Variants in JAK1 observed in about 807,000 individuals in gnomAD.
The protein encoded by JAK1 is tyrosine-protein kinase JAK1.
JAK1 carries 16 observed loss-of-function variants against 136.6 expected under a neutral mutation model. The ratio of observed to expected loss-of-function variants is 0.12; its 90% CI spans 0.08 to 0.18. The LOEUF is 0.18. Among genes scored for constraint, JAK1 ranks in the 10% least tolerant of loss-of-function variants. JAK1 has a pLI of 1.00. For synonymous variants in JAK1, 492 were observed against 519.5 expected (o/e 0.95, Z 0.72); for missense variants, 859 against 1,450.1 (o/e 0.59, Z 6.62).
Position 64,844,585 on chromosome 1 carries a change from GAAGGCAGGAGATC to G in JAK1, c.2251+156_2251+168del, listed in dbSNP as rs67417035. ...CGGGGGCTCGTTCAAGGACTTAAGA[GAAGGCAGGAGATC>G]AAGACCATCCTGGCCAACATGGTGA... is the stretch of plus-strand genomic sequence containing the variant. On this transcript the variant is annotated intron_variant, in intron 16 of 24. Transcript: ENST00000342505. This position sits in a 1 kb window ranked among gnomAD's most constrained non-coding sequence, Gnocchi z 5.7. 0.15 allele frequency among the ~76,000 whole-genome samples: 22,405 copies of G among 152,078 alleles called. 2,307 individuals are homozygous for G. Among genetic ancestry groups the G allele is most frequent in the African/African-American group, 0.28 (11,756 of 41,440 alleles).
chr1:64,944,728 T>C (rs772848234), intron 1 of JAK1, among the ~76,000 whole-genome samples: 1 of 152,150 alleles, frequency 6.6e-6, no homozygotes, highest in Non-Finnish European at 1.5e-5. Flanking sequence ...ATGCAGTATA[T>C]AACCACCATT....
intron 2 of JAK1, among the ~76,000 whole-genome samples, chr1:65,000,337 T>C (rs1158580965): frequency 1.3e-5 from 2 of 151,986 alleles, no homozygotes; most frequent in Admixed American, 1.3e-4. Context: ...TAATTGAGAA[T>C]GTGTTCAGGT....
intron 2 of JAK1, among the ~76,000 whole-genome samples, chr1:65,015,847 T>C (rs1413665470): frequency 6.6e-6 from 1 of 152,106 alleles, no homozygotes. Context: ...CTAAGTATTA[T>C]ATATATATCC....
intron 2 of JAK1, among the ~76,000 whole-genome samples, chr1:65,040,815 T>C (rs752425909): frequency 2.6e-5 from 4 of 152,094 alleles, no homozygotes; most frequent in Non-Finnish European, 5.9e-5. Context: ...AAAAACATAG[T>C]CCTGCTTTGA....
In JAK1 at chr1:64,915,840, G is replaced by A. The variant is rs966705999; in HGVS notation, c.-77-29499C>T. Among the ~76,000 whole-genome samples the A allele has an allele frequency of 2.6e-5, 4 of 152,156 alleles. No individual in the cohort carries two copies. In the South Asian group the frequency reaches 6.2e-4, roughly 24 times the overall value. Reference sequence around the variant, plus strand: ...TGTCAGGTGAAGCATGGGAACCTCTGGGCACGCAGAAAGACGGCATCTGCA... The same window carrying A: ...TGTCAGGTGAAGCATGGGAACCTCTAGGCACGCAGAAAGACGGCATCTGCA... On this transcript the variant is annotated intron_variant, in intron 1 of 24. Coordinates refer to ENST00000342505, the MANE Select transcript of JAK1 (RefSeq NM_002227.4).
intron 1 of JAK1, among the ~76,000 whole-genome samples, chr1:65,063,189 G>C (rs907555297): frequency 6.6e-6 from 1 of 152,214 alleles, no homozygotes; most frequent in Non-Finnish European, 1.5e-5. Context: ...AAAATAAATG[G>C]AAGTGAGTGA....
chr1:64,838,984 A>C (rs1654685474), intron 20 of JAK1, among the ~76,000 whole-genome samples: 1 of 143,050 alleles, frequency 7.0e-6, no homozygotes, highest in Non-Finnish European at 1.5e-5. Flanking sequence ...TCTCTACTAA[A>C]AATACAAAAA....
chr1:64,896,568 C>T (rs1162090657), intron 1 of JAK1, among the ~76,000 whole-genome samples: 3 of 152,178 alleles, frequency 2.0e-5, no homozygotes, highest in Non-Finnish European at 4.4e-5. Context: ...TGTTCCAGGA[C>T]ATCATTAATT....
chr1:64,929,839 G>A (rs951575967), intron 1 of JAK1, among the ~76,000 whole-genome samples: 2 of 152,122 alleles, frequency 1.3e-5, no homozygotes, highest in Non-Finnish European at 2.9e-5. Flanking sequence ...CAGACATATA[G>A]ACAAGTGGAA....
At chr1:64,873,705 G>A (rs1403072921) in intron 4 of JAK1, among the ~76,000 whole-genome samples, 182 bp from the exon 5 acceptor site, 4 of 152,130 alleles carry the variant, frequency 2.6e-5, no homozygotes, top group Non-Finnish European at 5.9e-5. Flanking sequence ...CGTGAGAAGT[G>A]TCCCATCAGC....
rs183491495 is a variant in JAK1 at position 65,019,799 on chromosome 1, C to T, written c.-78+24681G>A. On this transcript the variant is annotated intron_variant, in intron 2 of 25. Transcript: ENST00000671954. ...GGTGTGGTGGCAGGCACCTGTAATC[C>T]CATCTACTTGAGAGGCTAAAGCAGG... 1.2e-4 allele frequency among the ~76,000 whole-genome samples: 18 copies of T among 151,936 alleles called. 1 individual carries two copies. Among genetic ancestry groups the T allele is most frequent in the African/African-American group, 3.9e-4 (16 of 41,440 alleles).
chr1:64,979,928 A>G (rs1056079024), intron 2 of JAK1: 10 of 152,148 alleles, frequency 6.6e-5, no homozygotes, highest in Non-Finnish European at 1.5e-5. Context: ...CCTTCCCAGA[A>G]TTGTTAAGAT....
At position 64,846,206 on chromosome 1, in the gene JAK1, G is replaced by A. The variant is rs569062391; in HGVS notation, c.1987+443C>T. Among the ~76,000 whole-genome samples the A allele has an allele frequency of 5.3e-5, 8 of 152,262 alleles. No individual in the cohort carries two copies. In the South Asian group the frequency reaches 1.7e-3, roughly 32 times the overall value. On this transcript the variant is annotated intron_variant, in intron 14 of 24. Transcript: ENST00000342505. ...CTCAGTGTGCAGCAGCAGCCCAAGG[G>A]CCCACCGGCTCAGTGGCTTGACAAC... is the stretch of plus-strand genomic sequence containing the variant.
intron 1 of JAK1, among the ~76,000 whole-genome samples, chr1:65,054,555 T>C (rs1454179938): frequency 1.3e-5 from 2 of 152,002 alleles, no homozygotes; most frequent in South Asian, 2.1e-4. Context: ...AGTTCTTCCA[T>C]AGGTTGTCAG....
At chr1:65,023,393 G>A (rs946758119) in intron 2 of JAK1, among the ~76,000 whole-genome samples, 1 of 152,128 alleles carries the variant, frequency 6.6e-6, no homozygotes, top group Admixed American at 6.6e-5. Context: ...AACATGCTTG[G>A]CCAACAGATT....
At chr1:65,064,035 GCTATT>G (rs1647934325) in intron 1 of JAK1, among the ~76,000 whole-genome samples, 2 of 151,954 alleles carry the variant, frequency 1.3e-5, no homozygotes, top group Non-Finnish European at 2.9e-5. Flanking sequence ...AAATTAATGG[GCTATT>G]CTACTTTTTT....
intron 2 of JAK1, among the ~76,000 whole-genome samples, chr1:65,012,112 A>G (rs968246164): frequency 1.3e-5 from 2 of 152,188 alleles, no homozygotes; most frequent in Non-Finnish European, 2.9e-5. Context: ...GAGAGACAAC[A>G]GCTCTGTCAT....
intron 1 of JAK1, among the ~76,000 whole-genome samples, chr1:64,958,130 A>G (rs1646223551): frequency 6.6e-6 from 1 of 152,222 alleles, no homozygotes; most frequent in African/African-American, 2.4e-5. Flanking sequence ...TGAGATCTAC[A>G]GAGAGTTGCT....
At chr1:64,909,973 TGACCTCCTCAGTGGGATGGTA>T (rs1326578769) in intron 1 of JAK1, among the ~76,000 whole-genome samples, 1 of 152,190 alleles carries the variant, frequency 6.6e-6, no homozygotes, top group Non-Finnish European at 1.5e-5. Flanking sequence ...TGGTGGGAGG[TGACCTCCTCAGTGGGATGGTA>T]GACCAGAGTA....
Sources: gnomAD v4.1 joint callset for allele counts (sites outside exome capture counted in the v4.1 genomes callset) on GRCh38, gnomAD v4.1.1 for gene constraint, Gnocchi (gnomAD v3.1) non-coding constraint, MANE v1.5 for transcripts, NCBI Gene and HGNC (gene_info 2026-07-23, HGNC 2026-07-21) for gene names.